Variants in PRKD1 observed in about 807,000 individuals in gnomAD.
PRKD1 encodes the protein protein kinase D1.
PRKD1 carries 63 observed loss-of-function variants against 95.9 expected under a neutral mutation model. That is an observed-to-expected ratio of 0.66 (90% CI 0.54 to 0.81). The LOEUF is 0.81. Among genes scored for constraint, PRKD1 ranks in the 30% least tolerant of loss-of-function variants. The pLI is 0.00. For synonymous variants in PRKD1, 425 were observed against 423.1 expected (o/e 1.00, Z -0.05); for missense variants, 1,048 against 1,165.3 (o/e 0.90, Z 1.47).
intron 1 of PRKD1, among the ~76,000 whole-genome samples, chr14:29,875,395 C>A (rs1426054085): frequency 1.3e-5 from 2 of 152,132 alleles, no homozygotes; most frequent in Non-Finnish European, 2.9e-5. Context: ...GATTCAATAT[C>A]ATAATATTTG....
chr14:29,797,364 A>C (rs1025173708), intron 1 of PRKD1, among the ~76,000 whole-genome samples: 1 of 152,244 alleles, frequency 6.6e-6, no homozygotes, highest in Non-Finnish European at 1.5e-5. Flanking sequence ...AATAAAACAG[A>C]GCAATAGTAA....
chr14:29,755,059 A>C (rs1887634669), intron 1 of PRKD1, among the ~76,000 whole-genome samples: 1 of 152,080 alleles, frequency 6.6e-6, no homozygotes, highest in Non-Finnish European at 1.5e-5. Flanking sequence ...TTTTTCCGTT[A>C]AAATTTCTAG....
At chr14:29,920,189 T>G (rs1895052806) in intron 1 of PRKD1, among the ~76,000 whole-genome samples, 1 of 152,048 alleles carries the variant, frequency 6.6e-6, no homozygotes, top group South Asian at 2.1e-4. Flanking sequence ...CTTGTCTTGT[T>G]TTGTTCCAAC....
intron 2 of PRKD1, among the ~76,000 whole-genome samples, chr14:29,706,485 C>T (rs562326420): frequency 4.5e-4 from 68 of 152,226 alleles, no homozygotes; most frequent in African/African-American, 1.4e-3. Context: ...ATGTTCTAAA[C>T]TGATTATCAT....
chr14:29,897,963 T>C (rs767540694), intron 1 of PRKD1, among the ~76,000 whole-genome samples: 1 of 152,094 alleles, frequency 6.6e-6, no homozygotes, highest in Non-Finnish European at 1.5e-5. Flanking sequence ...TCTTAAAATA[T>C]AAAGAAAATG....
intron 4 of PRKD1, among the ~76,000 whole-genome samples, chr14:29,655,356 A>G (rs1004350938): frequency 5.3e-5 from 8 of 152,204 alleles, no homozygotes; most frequent in Non-Finnish European, 8.8e-5. Context: ...CCTGTAGCTT[A>G]TGAATCAGAA....
Position 29,651,292 on chromosome 14 carries a change from G to A in PRKD1, c.697-12388C>T, listed in dbSNP as rs1214868171. 2.6e-5 allele frequency among the ~76,000 whole-genome samples: 4 copies of A among 152,290 alleles called. No homozygotes were observed. The Middle Eastern group carries it at 0.01, about 388-fold the overall frequency. ...ATATCACTCAAGTGATATTTTCAGT[G>A]CATGGCTACACAAAAATAGATACCA... On this transcript the variant is annotated intron_variant, in intron 4 of 17. Coordinates refer to ENST00000331968, the MANE Select transcript of PRKD1 (RefSeq NM_002742.3).
At position 29,920,072 on chromosome 14, in the gene PRKD1, G is replaced by GGAAGGAAA. The variant is rs1555356806; in HGVS notation, c.264+7176_264+7177insTTTCCTTC. 2.4e-3 allele frequency among the ~76,000 whole-genome samples: 296 copies of GGAAGGAAA among 125,792 alleles called. 1 individual carries two copies. The highest frequency in any genetic ancestry group is 0.013 in the East Asian group (51 of 3,906). 82.5% of individuals were successfully genotyped at this position (125,792 alleles called of 152,430 possible). On this transcript the variant is annotated intron_variant, in intron 1 of 17. Transcript: ENST00000331968. The stretch of plus-strand genomic sequence containing the variant: ...AGGAAGGAAGGAAGGAAGGAAAGAA[G>GGAAGGAAA]GAAGGAAGGAAGGAGAAAAGAAAAG...
At chr14:29,875,465 C>T (rs893440248) in intron 1 of PRKD1, among the ~76,000 whole-genome samples, 1 of 152,134 alleles carries the variant, frequency 6.6e-6, no homozygotes, top group African/African-American at 2.4e-5. Context: ...TTATTAGAGG[C>T]AAAACTGTGC....
At chr14:29,909,402 C>T (rs1187637053) in intron 1 of PRKD1, among the ~76,000 whole-genome samples, 10 of 151,908 alleles carry the variant, frequency 6.6e-5, no homozygotes, top group East Asian at 1.9e-4. Flanking sequence ...TGTGGGCACA[C>T]GGTGCAGGAC....
intron 8 of PRKD1, 144 bp from the exon 9 acceptor site, chr14:29,633,090 A>G: frequency 1.4e-6 from 1 of 710,802 alleles, no homozygotes; most frequent in Non-Finnish European, 2.5e-6. Context: ...CTCATGCTCA[A>G]TTTCAGGCTC....
At chr14:29,674,684 C>A (rs1156757351) in intron 2 of PRKD1, among the ~76,000 whole-genome samples, 2 of 152,086 alleles carry the variant, frequency 1.3e-5, no homozygotes, top group East Asian at 3.9e-4. Flanking sequence ...GGCTTTATAC[C>A]TTTAAAAGGA....
chr14:29,858,028 T>C (rs1405400704), intron 1 of PRKD1, among the ~76,000 whole-genome samples: 3 of 152,218 alleles, frequency 2.0e-5, no homozygotes, highest in Non-Finnish European at 2.9e-5. Flanking sequence ...TTGTTTAACT[T>C]TTTTTGTATG....
intron 1 of PRKD1, among the ~76,000 whole-genome samples, chr14:29,873,554 A>G (rs1442005775): frequency 6.6e-6 from 1 of 152,236 alleles, no homozygotes; most frequent in African/African-American, 2.4e-5. Context: ...TGCTTTGTAC[A>G]TAACAGATAT....
intron 11 of PRKD1, among the ~76,000 whole-genome samples, chr14:29,626,988 C>A (rs1225853600): frequency 6.6e-6 from 1 of 151,798 alleles, no homozygotes; most frequent in African/African-American, 2.4e-5. Context: ...GCTGGGATTA[C>A]AGGCATGAGC....
At chr14:29,620,039 T>A (rs928976044) in intron 13 of PRKD1, among the ~76,000 whole-genome samples, 2 of 152,020 alleles carry the variant, frequency 1.3e-5, no homozygotes, top group African/African-American at 2.4e-5. Context: ...AACTGTCTGA[T>A]CTTTGACAAA....
At chr14:29,909,280 CT>C (rs1894613299) in intron 1 of PRKD1, among the ~76,000 whole-genome samples, 3 of 143,988 alleles carry the variant, frequency 2.1e-5, no homozygotes, top group Non-Finnish European at 3.1e-5. Context: ...AGCCTCCCCC[CT>C]ACCCAACCCC....
chr14:29,828,851 G>A (rs540725625), intron 1 of PRKD1, among the ~76,000 whole-genome samples: 2 of 152,148 alleles, frequency 1.3e-5, no homozygotes, highest in South Asian at 2.1e-4. Context: ...ATCACTTTCC[G>A]TGAAATCTGG....
chr14:29,715,315 C>CT (rs993748812), intron 2 of PRKD1, among the ~76,000 whole-genome samples: 18 of 151,732 alleles, frequency 1.2e-4, no homozygotes, highest in Admixed American at 3.3e-4. Flanking sequence ...TCCAATAGAA[C>CT]TTTTTTCAGA....
Sources: gnomAD v4.1 joint callset for allele counts (sites outside exome capture counted in the v4.1 genomes callset) on GRCh38, gnomAD v4.1.1 for gene constraint, MANE v1.5 for transcripts, NCBI Gene and HGNC (gene_info 2026-07-23, HGNC 2026-07-21) for gene names.